KBTBD11: variants seen among roughly 807,000 people sequenced by gnomAD.
KBTBD11 encodes the protein kelch repeat and BTB domain containing 11.
For synonymous variants in KBTBD11, 747 were observed against 499.0 expected, an observed-to-expected ratio of 1.50 and a Z score of -6.63; for missense variants, 1,390 against 1,001.8, an observed-to-expected ratio of 1.39 and a Z score of -5.23.
chr8:1,984,446 C>A (rs908716180), intron 1 of KBTBD11, among the ~76,000 whole-genome samples: 1 of 151,918 alleles, frequency 6.6e-6, no homozygotes, highest in Admixed American at 6.6e-5. Context: ...CCGCACCACA[C>A]CTGGCTAATT....
At chr8:1,994,682 G>A (rs370588464) in intron 1 of KBTBD11, among the ~76,000 whole-genome samples, 5 of 152,350 alleles carry the variant, frequency 3.3e-5, no homozygotes, top group Admixed American at 6.5e-5. Flanking sequence ...ATAGACGCCC[G>A]CTGCTCTGTG....
chr8:2,001,369 A>G lies in KBTBD11; in HGVS notation c.177A>G (p.Glu59=). Residue 59 remains glutamate, a synonymous_variant, in exon 2 of 2, where the codon GAA becomes GAG. Coordinates refer to ENST00000320248, the MANE Select transcript of KBTBD11 (RefSeq NM_014867.3). ...CGCAGTCCCTCGCCTCAGCGGCGGA[A>G]GGCGCGGCCACCTCCCCGCCCTCCA... ...SPPQSLASAA[E]GAATSPPSSG... 6.8e-7 allele frequency: 1 copy of G among 1,471,038 alleles called. No individual in the cohort carries two copies. Among genetic ancestry groups the G allele is most frequent in the Non-Finnish European group, 9.0e-7 (1 of 1,115,406 alleles). 91.1% of individuals were successfully genotyped at this position (1,471,038 alleles called of 1,614,324 possible). A position where few individuals can be genotyped will look rare whatever the true frequency, so the allele number is the denominator to read the frequency against.
chr8:2,001,940 G>C lies in KBTBD11; in HGVS notation c.748G>C (p.Glu250Gln), dbSNP rs779265629. ...CGCGGCCAAGCGGCAGCGGCTGAAC[G>C]AGCTGCGCGACGCCGCCTACTGCTT... ...LSAAKRQRLNELRDAAYCFMS... is the reference protein window; with the variant it reads ...LSAAKRQRLNQLRDAAYCFMS... The change falls in exon 2 of 2, where the codon GAG becomes CAG. Residue 250 changes from glutamate (E) to glutamine (Q), a missense_variant. By Grantham distance (29) the Glu-to-Gln change is conservative. Coordinates refer to ENST00000320248, the MANE Select transcript of KBTBD11 (RefSeq NM_014867.3). 4 of 1,472,918 alleles carry C rather than the reference G, an allele frequency of 2.7e-6. No individual in the cohort carries two copies. The South Asian group carries it at 3.6e-5, about 13-fold the overall frequency. 91.2% of individuals were successfully genotyped at this position (1,472,918 alleles called of 1,614,324 possible). A position where few individuals can be genotyped will look rare whatever the true frequency, so the allele number is the denominator to read the frequency against.
At chr8:2,000,234 T>A (rs144115976) in intron 1 of KBTBD11, 51 bp from the exon 2 acceptor site, 12 of 152,098 alleles carry the variant, frequency 7.9e-5, no homozygotes, top group African/African-American at 2.2e-4. Flanking sequence ...TGACACGAAA[T>A]AACCTTACTG....
intron 1 of KBTBD11, among the ~76,000 whole-genome samples, chr8:1,979,105 G>C (rs1816450762): frequency 6.6e-6 from 1 of 152,160 alleles, no homozygotes; most frequent in Non-Finnish European, 1.5e-5. Context: ...AGAGGGATTA[G>C]AGAGCAAGAT....
At chr8:1,998,195 C>A (rs1319750647) in intron 1 of KBTBD11, among the ~76,000 whole-genome samples, 1 of 151,958 alleles carries the variant, frequency 6.6e-6, no homozygotes, top group African/African-American at 2.4e-5. Context: ...TTCCAAAATT[C>A]AAAAAATGGG....
rs554082960 is a variant in KBTBD11 at position 1,983,242 on chromosome 8, G to A, written c.-909+9307G>A. Among the ~76,000 whole-genome samples the A allele has an allele frequency of 1.1e-4, 16 of 152,270 alleles. No homozygotes were observed. The South Asian group carries it at 1.9e-3, about 18-fold the overall frequency. The stretch of plus-strand genomic sequence containing the variant: ...GTCCCCAGTGAATCCTGCCGCCTCT[G>A]CTGCCACCCTGTGTGCACCCCCATG... On this transcript the variant is annotated intron_variant, in intron 1 of 1. Coordinates refer to ENST00000320248, the MANE Select transcript of KBTBD11 (RefSeq NM_014867.3).
At chr8:1,974,539 C>T in intron 1 of KBTBD11, 2 of 985,208 alleles carry the variant, frequency 2.0e-6, no homozygotes, top group Non-Finnish European at 2.4e-6. Context: ...TGGTCCTCCG[C>T]CGCTGCGCCC....
chr8:2,002,213 A>G lies in KBTBD11; in HGVS notation c.1021A>G (p.Thr341Ala). ...GGCGGCCGGAGAGTGGCGCGAGCTG[A>G]CGCGGCTGCCCGAGGGCGCGCCGGC... The part of the protein sequence containing the change: ...HAAAGEWREL[T>A]RLPEGAPARG... Residue 341 changes from threonine (T) to alanine (A), a missense_variant, in exon 2 of 2, where the codon ACG (threonine) becomes GCG (alanine). Transcript: ENST00000320248. The surrounding 1 kb of genome is among the most constrained non-coding windows in gnomAD (Gnocchi z 4.1). 1.6e-6 allele frequency: 2 copies of G among 1,260,226 alleles called. No homozygotes were observed. The highest frequency in any genetic ancestry group is 2.0e-6 in the Non-Finnish European group (2 of 1,007,164). The allele number at this position is 1,260,226 out of a possible 1,614,324, so 78.1% of individuals were successfully genotyped here.
intron 1 of KBTBD11, among the ~76,000 whole-genome samples, chr8:1,981,348 A>C (rs1816533800): frequency 6.6e-6 from 1 of 152,230 alleles, no homozygotes; most frequent in African/African-American, 2.4e-5. Flanking sequence ...AACATTGAAA[A>C]GTGTAAAATT....
rs71211539 is a variant in KBTBD11 at position 1,984,279 on chromosome 8, G to GTTT, written c.-909+10369_-909+10371dup. Among the ~76,000 whole-genome samples, 217 of 98,550 alleles carry GTTT rather than the reference G, an allele frequency of 2.2e-3. 9 individuals carry two copies. The highest frequency in any genetic ancestry group is 2.7e-3 in the Non-Finnish European group (143 of 53,478). 64.7% of individuals were successfully genotyped at this position (98,550 alleles called of 152,430 possible). A position where few individuals can be genotyped will look rare whatever the true frequency, so the allele number is the denominator to read the frequency against. ...ATAGTGAGACCCCATCTCTAAAAAA[G>GTTT]TTTTTTTTTTTTTTTTTTTTTTTTT... On this transcript the variant is annotated intron_variant, in intron 1 of 1. Transcript: ENST00000320248.
rs532617363 is a variant in KBTBD11, at chr8:2,001,883, C to G, written c.691C>G (p.Leu231Val). 1.5e-6 allele frequency: 2 copies of G among 1,378,046 alleles called. No individual in the cohort carries two copies. Among genetic ancestry groups the G allele is most frequent in the Admixed American group, 2.4e-5 (1 of 41,014 alleles). 85.4% of individuals were successfully genotyped at this position (1,378,046 alleles called of 1,614,324 possible). The stretch of plus-strand genomic sequence containing the variant: ...CGCCACCGACGCCGTGGGGCCGCAG[C>G]TGAGCCTGGCCAACTGCTACGAGGT... ...QRATDAVGPQ[L>V]SLANCYEVLS... The change falls in exon 2 of 2, where the codon CTG (leucine) becomes GTG (valine). Residue 231 changes from leucine (L) to valine (V), a missense_variant. Transcript: ENST00000320248.
At chr8:1,989,040 G>T (rs1264839154) in intron 1 of KBTBD11, among the ~76,000 whole-genome samples, 1 of 152,146 alleles carries the variant, frequency 6.6e-6, no homozygotes, top group African/African-American at 2.4e-5. Context: ...GAGTCAAGTT[G>T]ACCCAAACAT....
rs568039612 is a variant in KBTBD11 at position 1,973,807 on chromosome 8, C to T, written c.-1037C>T. ...CTGCGGGTCGGAGGAGCAGCTCCCGCTCGCAGGTGCTCGGAGAGGCCGGGC... is the reference window on the plus strand; with the variant it reads ...CTGCGGGTCGGAGGAGCAGCTCCCGTTCGCAGGTGCTCGGAGAGGCCGGGC... On this transcript the variant is annotated 5_prime_UTR_variant, in exon 1 of 2. Transcript: ENST00000320248. 1 of 983,284 alleles carries T rather than the reference C, an allele frequency of 1.0e-6. No individual in the cohort carries two copies. Among genetic ancestry groups the T allele is most frequent in the Non-Finnish European group, 1.2e-6 (1 of 829,206 alleles). The allele number at this position is 983,284 out of a possible 1,614,324, so 60.9% of individuals were successfully genotyped here. A position where few individuals can be genotyped will look rare whatever the true frequency, so the allele number is the denominator to read the frequency against.
In KBTBD11 at chr8:2,001,633, G is replaced by A. The variant is rs1817363947; in HGVS notation, c.441G>A (p.Ser147=). ...YGEPDLVLEV[S]GRRLRAHKAV... Reference sequence around the variant, plus strand: ...AGCCGGACCTGGTGCTGGAGGTGTCGGGGCGCCGGCTGCGCGCGCACAAGG... The same window carrying A: ...AGCCGGACCTGGTGCTGGAGGTGTCAGGGCGCCGGCTGCGCGCGCACAAGG... Residue 147 remains serine (S), a synonymous_variant, in exon 2 of 2, where the codon TCG becomes TCA. Transcript: ENST00000320248. The A allele has an allele frequency of 3.4e-6, 5 of 1,479,586 alleles. No individual in the cohort carries two copies. The highest frequency in any genetic ancestry group is 1.5e-5 in the African/African-American group (1 of 68,294). The allele number at this position is 1,479,586 out of a possible 1,614,324, so 91.7% of individuals were successfully genotyped here.
chr8:1,984,680 C>G (rs976061626), intron 1 of KBTBD11, among the ~76,000 whole-genome samples: 1 of 152,118 alleles, frequency 6.6e-6, no homozygotes, highest in African/African-American at 2.4e-5. Context: ...GATAGGCACT[C>G]CAAACTTGAC....
intron 1 of KBTBD11, among the ~76,000 whole-genome samples, chr8:1,991,102 G>C (rs536081794): frequency 6.0e-5 from 9 of 149,108 alleles, no homozygotes; most frequent in African/African-American, 2.2e-4. Context: ...GGTAGATGCT[G>C]CCGGGCCTTG....
chr8:2,002,826 G>T lies in KBTBD11; in HGVS notation c.1634G>T (p.Gly545Val). Reference protein sequence around the residue: ...SPCVAPLRLPGGPTGLQPFRC... With the variant: ...SPCVAPLRLPVGPTGLQPFRC... Reference sequence around the variant, plus strand: ...TGCGTCGCGCCCCTGCGCCTCCCCGGCGGCCCCACGGGCCTGCAGCCCTTC... The same window carrying T: ...TGCGTCGCGCCCCTGCGCCTCCCCGTCGGCCCCACGGGCCTGCAGCCCTTC... The change falls in exon 2 of 2, where the codon GGC becomes GTC. Residue 545 changes from glycine (G) to valine (V), a missense_variant. Physicochemically the swap from Gly to Val is moderately radical, Grantham distance 109. Coordinates refer to ENST00000320248, the MANE Select transcript of KBTBD11 (RefSeq NM_014867.3). This position sits in a 1 kb window ranked among gnomAD's most constrained non-coding sequence, Gnocchi z 4.1. The T allele has an allele frequency of 7.0e-7, 1 of 1,428,684 alleles. No homozygotes were observed. Among genetic ancestry groups the T allele is most frequent in the Non-Finnish European group, 9.1e-7 (1 of 1,100,522 alleles). The allele number at this position is 1,428,684 out of a possible 1,614,324, so 88.5% of individuals were successfully genotyped here. A position where few individuals can be genotyped will look rare whatever the true frequency, so the allele number is the denominator to read the frequency against.
At chr8:1,985,232 G>C (rs1816672467) in intron 1 of KBTBD11, among the ~76,000 whole-genome samples, 1 of 152,252 alleles carries the variant, frequency 6.6e-6, no homozygotes, top group South Asian at 2.1e-4. Flanking sequence ...CTCGTGAGGT[G>C]TCCACTGGTG....
Sources: allele counts gnomAD v4.1 joint callset (sites outside exome capture counted in the v4.1 genomes callset), GRCh38; gene constraint gnomAD v4.1.1; non-coding constraint Gnocchi (gnomAD v3.1); transcripts MANE v1.5; gene names NCBI Gene and HGNC (gene_info 2026-07-23, HGNC 2026-07-21).